Variants in TRIM54 observed in about 807,000 individuals in gnomAD.
The protein encoded by TRIM54 is tripartite motif-containing protein 54.
In TRIM54, 40 loss-of-function variants were observed where a neutral mutation model predicts 42.0. The ratio of observed to expected loss-of-function variants is 0.95; its 90% CI spans 0.74 to 1.24. The LOEUF is 1.24. Ranked by LOEUF, TRIM54 falls within the 50% of genes most tolerant of loss-of-function variation. TRIM54 has a pLI of 0.00. For missense variants in TRIM54, 485 were observed against 480.3 expected (o/e 1.01, Z -0.09); for synonymous variants, 199 against 194.9 (o/e 1.02, Z -0.17).
At chr2:27,294,942 A>G (rs1678823121) in intron 1 of TRIM54, among the ~76,000 whole-genome samples, 1 of 151,096 alleles carries the variant, frequency 6.6e-6, no homozygotes, top group Non-Finnish European at 1.5e-5. Flanking sequence ...TGATATGAGG[A>G]TTAAGTGAAT....
intron 1 of TRIM54, among the ~76,000 whole-genome samples, chr2:27,295,282 C>T (rs1235402081): frequency 6.6e-6 from 1 of 151,936 alleles, no homozygotes; most frequent in Non-Finnish European, 1.5e-5. Context: ...ACCCATGACA[C>T]GATGCTTGAC....
In TRIM54 at chr2:27,299,304, T is replaced by C. The variant is rs1317725221; in HGVS notation, c.401T>C (p.Ile134Thr). 1 of 1,613,946 alleles carries C rather than the reference T, an allele frequency of 6.2e-7. No individual in the cohort carries two copies. The highest frequency in any genetic ancestry group is 1.7e-5 in the Admixed American group (1 of 59,996). Residue 134 changes from isoleucine to threonine, a missense_variant, in exon 3 of 9, where the codon ATC (isoleucine) becomes ACC (threonine). Ile to Thr is a moderately conservative substitution (Grantham distance 89, BLOSUM62 -1). Transcript: ENST00000380075. ...LMCEEHEEEK[I>T]NIYCLSCEVP... ...TGCGAGGAGCATGAAGAAGAGAAGA[T>C]CAATATTTACTGCCTGAGCTGTGAG... is the stretch of plus-strand genomic sequence containing the variant.
intron 3 of TRIM54, among the ~76,000 whole-genome samples, chr2:27,300,172 G>GTTTA (rs552522910): frequency 1.2e-3 from 183 of 151,638 alleles, no homozygotes; most frequent in Admixed American, 2.0e-3. Flanking sequence ...TTATTTATTT[G>GTTTA]TTTATTTATT....
intron 2 of TRIM54, 47 bp from the exon 3 acceptor site, chr2:27,299,198 G>T (rs1430623922): frequency 1.2e-6 from 2 of 1,604,774 alleles, no homozygotes; most frequent in South Asian, 1.1e-5. Flanking sequence ...GTATTCCTAG[G>T]ACCCTTCATG....
intron 3 of TRIM54, chr2:27,299,618 C>T: frequency 8.9e-7 from 1 of 1,128,806 alleles, no homozygotes; most frequent in Non-Finnish European, 1.3e-6. Context: ...TCAAGTGATC[C>T]TCCCATCTTA....
chr2:27,297,360 G>T (rs1678893444), intron 1 of TRIM54, among the ~76,000 whole-genome samples: 1 of 152,216 alleles, frequency 6.6e-6, no homozygotes, highest in Non-Finnish European at 1.5e-5. Flanking sequence ...GAGAATATTT[G>T]ATTGGTTCTG....
chr2:27,306,377 C>G lies in TRIM54; in HGVS notation c.991+40C>G, dbSNP rs1679210398. 6.2e-7 allele frequency: 1 copy of G among 1,613,692 alleles called. No individual in the cohort carries two copies. The highest frequency in any genetic ancestry group is 1.3e-5 in the African/African-American group (1 of 74,942). On this transcript the variant is annotated intron_variant, in intron 7 of 8. Coordinates refer to ENST00000380075, the MANE Select transcript of TRIM54 (RefSeq NM_187841.3). The surrounding 1 kb of genome is among the most constrained non-coding windows in gnomAD (Gnocchi z 6.1). Reference sequence around the variant, plus strand: ...CGAGGGCCGCTGAGACGGGTTCGGACCCTCTGTGTGGGGGGTGCGGCGGGC... The same window carrying G: ...CGAGGGCCGCTGAGACGGGTTCGGAGCCTCTGTGTGGGGGGTGCGGCGGGC...
chr2:27,305,509 CTG>C, intron 4 of TRIM54, 73 bp from the exon 5 acceptor site: 2 of 1,288,838 alleles, frequency 1.6e-6, no homozygotes, highest in East Asian at 2.5e-5. Flanking sequence ...TGTTGGTTCT[CTG>C]TGAGTACCCT....
intron 3 of TRIM54, among the ~76,000 whole-genome samples, chr2:27,302,405 C>T (rs1036735341): frequency 3.3e-5 from 5 of 150,040 alleles, no homozygotes; most frequent in Admixed American, 6.7e-5. Context: ...AAGATCGGGC[C>T]GCTGCACTCC....
rs578178446 is a variant in TRIM54, at chr2:27,303,030, G to C, written c.514-1929G>C. On this transcript the variant is annotated intron_variant, in intron 3 of 8. Coordinates refer to ENST00000380075, the MANE Select transcript of TRIM54 (RefSeq NM_187841.3). ...CAGGGTCCTCTCTATCACACAACTA[G>C]ATTCTGTGTAAAACAGAATTTTCAA... is the stretch of plus-strand genomic sequence containing the variant. Among the ~76,000 whole-genome samples the C allele has an allele frequency of 2.6e-5, 4 of 152,252 alleles. No individual in the cohort carries two copies. In the East Asian group the frequency reaches 5.8e-4, roughly 22 times the overall value.
At chr2:27,284,577 C>T (rs747264568) in intron 1 of TRIM54, among the ~76,000 whole-genome samples, 7 of 152,200 alleles carry the variant, frequency 4.6e-5, no homozygotes, top group Admixed American at 6.5e-5. Context: ...TGTGCCTCCT[C>T]GTCCTGGGCA....
chr2:27,298,564 C>T lies in TRIM54; in HGVS notation c.169-3C>T, dbSNP rs564295673. On this transcript the variant is annotated splice_region_variant and splice_polypyrimidine_tract_variant and intron_variant, in intron 1 of 8. Coordinates refer to ENST00000380075, the MANE Select transcript of TRIM54 (RefSeq NM_187841.3). ...TGTTCTCTCAAGCCATCTGTCCCTG[C>T]AGGCCTCGAATCCTCTATGGCAGTC... 3.7e-6 allele frequency: 6 copies of T among 1,612,238 alleles called. No homozygotes were observed. Among genetic ancestry groups the T allele is most frequent in the African/African-American group, 1.3e-5 (1 of 75,016 alleles).
At chr2:27,305,865 G>C in intron 5 of TRIM54, 48 bp downstream of exon 5, 1 of 1,494,608 alleles carries the variant, frequency 6.7e-7, no homozygotes, top group Non-Finnish European at 9.1e-7. Context: ...CTGGAGTCAG[G>C]GCCTTGGTAC....
intron 3 of TRIM54, among the ~76,000 whole-genome samples, chr2:27,300,463 C>T (rs1053591536): frequency 3.3e-5 from 5 of 149,746 alleles, no homozygotes; most frequent in African/African-American, 7.4e-5. Flanking sequence ...TGAGCCCCTG[C>T]GCCCGAACCT....
chr2:27,306,164 GC>G lies in TRIM54; in HGVS notation c.867-48del. ...GCACTGCTCCACTGGCTGGGGTGGG[GC>G]TTGAGAGTGCTGGGGCATTGCCAGC... On this transcript the variant is annotated intron_variant, in intron 6 of 8. Coordinates refer to ENST00000380075, the MANE Select transcript of TRIM54 (RefSeq NM_187841.3). The surrounding 1 kb of genome is among the most constrained non-coding windows in gnomAD (Gnocchi z 6.1). The G allele has an allele frequency of 2.5e-6, 4 of 1,613,960 alleles. No homozygotes were observed. The highest frequency in any genetic ancestry group is 3.4e-6 in the Non-Finnish European group (4 of 1,179,978).
chr2:27,298,315 G>A (rs916995990), intron 1 of TRIM54, among the ~76,000 whole-genome samples: 30 of 152,122 alleles, frequency 2.0e-4, no homozygotes, highest in African/African-American at 7.2e-4. Flanking sequence ...ACTATGCCTT[G>A]ACCAAAGCTG....
At position 27,307,349 on chromosome 2, in the gene TRIM54, C is replaced by T; in HGVS notation, c.*464C>T. 1 of 1,225,428 alleles carries T rather than the reference C, an allele frequency of 8.2e-7. No homozygotes were observed. Among genetic ancestry groups the T allele is most frequent in the Non-Finnish European group, 1.1e-6 (1 of 910,620 alleles). The allele number at this position is 1,225,428 out of a possible 1,614,324, so 75.9% of individuals were successfully genotyped here. A position where few individuals can be genotyped will look rare whatever the true frequency, so the allele number is the denominator to read the frequency against. Reference sequence around the variant, plus strand: ...CGCTGGCCCGGGGGCCCCACCTTCCCACGGGTTCCCACGCTGCTGTGACTG... The same window carrying T: ...CGCTGGCCCGGGGGCCCCACCTTCCTACGGGTTCCCACGCTGCTGTGACTG... On this transcript the variant is annotated 3_prime_UTR_variant, in exon 9 of 9. Transcript: ENST00000380075. This position sits in a 1 kb window ranked among gnomAD's most constrained non-coding sequence, Gnocchi z 6.9.
intron 1 of TRIM54, among the ~76,000 whole-genome samples, chr2:27,290,417 C>T (rs1345791943): frequency 6.6e-6 from 1 of 152,122 alleles, no homozygotes; most frequent in Non-Finnish European, 1.5e-5. Context: ...CCTGTAATCC[C>T]AGCACTATGG....
At chr2:27,302,700 A>G (rs565202164) in intron 3 of TRIM54, among the ~76,000 whole-genome samples, 1 of 152,118 alleles carries the variant, frequency 6.6e-6, no homozygotes, top group South Asian at 2.1e-4. Flanking sequence ...CTGAGGCAGG[A>G]GAATCACTTG....
Sources: gnomAD v4.1 joint callset for allele counts (sites outside exome capture counted in the v4.1 genomes callset) on GRCh38, gnomAD v4.1.1 for gene constraint, Gnocchi (gnomAD v3.1) non-coding constraint, MANE v1.5 for transcripts, NCBI Gene and HGNC (gene_info 2026-07-23, HGNC 2026-07-21) for gene names.